Variants in TCP11L1 observed in about 807,000 individuals in gnomAD.
TCP11L1 encodes T-complex protein 11-like protein 1.
A neutral mutation model predicts 48.9 loss-of-function variants in TCP11L1; 28 were observed. The observed-to-expected ratio is 0.57, with a 90% CI of 0.42 to 0.78. The LOEUF is 0.78. Ranked by LOEUF, TCP11L1 falls within the 30% of genes least tolerant of loss-of-function variation. The pLI, the probability that TCP11L1 is intolerant of heterozygous loss-of-function variation, is 0.00. For missense variants in TCP11L1, 505 were observed against 613.4 expected (o/e 0.82, Z 1.87); for synonymous variants, 204 against 231.9 (o/e 0.88, Z 1.09).
In TCP11L1 at chr11:33,072,582, T is replaced by C. The variant is rs368074374; in HGVS notation, c.1436T>C (p.Val479Ala). 5.0e-6 allele frequency: 8 copies of C among 1,614,030 alleles called. No individual in the cohort carries two copies. In the African/African-American group the frequency reaches 1.1e-4, roughly 22 times the overall value. ...CCAGTTCAGAGAGAGCTGGAGGAAGTTGCTATTAAATTTGCTCGCCTGGTC... is the reference window on the plus strand; with the variant it reads ...CCAGTTCAGAGAGAGCTGGAGGAAGCTGCTATTAAATTTGCTCGCCTGGTC... ...LSPVQRELEE[V>A]AIKFARLVNY... The change falls in exon 10 of 10, where the codon GTT (valine) becomes GCT (alanine). Residue 479 changes from valine to alanine, a missense_variant. Coordinates refer to ENST00000334274, the MANE Select transcript of TCP11L1 (RefSeq NM_018393.4).
At position 33,068,785 on chromosome 11, in the gene TCP11L1, C is replaced by A; in HGVS notation, c.1253C>A (p.Thr418Lys). The A allele has an allele frequency of 1.9e-6, 3 of 1,614,112 alleles. No homozygotes were observed. Among genetic ancestry groups the A allele is most frequent in the Non-Finnish European group, 2.5e-6 (3 of 1,180,012 alleles). Residue 418 changes from threonine to lysine, a missense_variant, in exon 9 of 10, where the codon ACG becomes AAG. This residue lies in a region of TCP11L1 where 335 missense variants were observed against 413.3 expected (regional missense o/e 0.81). Transcript: ENST00000334274. ...CTGTGTGGGTCCTCTCCCTTCACCA[C>A]GGACAAGGAGACCGTGCTCAAGGGC... ...LSLCGSSPFT[T>K]DKETVLKGQI... is the part of the protein sequence containing the mutation.
At chr11:33,066,723 T>G (rs1854631898) in intron 8 of TCP11L1, among the ~76,000 whole-genome samples, 1 of 152,122 alleles carries the variant, frequency 6.6e-6, no homozygotes, top group African/African-American at 2.4e-5. Flanking sequence ...GTTTGTTGAG[T>G]GCTTTATTCC....
rs1024858990 is a variant in TCP11L1 at position 33,068,537 on chromosome 11, A to C, written c.1155-150A>C. ...CCTGGTCAGGTATGCACAGCCTGAG[A>C]GGTAAGGTGGCAGGGAAAAGAGTCT... is the stretch of plus-strand genomic sequence containing the variant. On this transcript the variant is annotated intron_variant, in intron 8 of 9. Transcript: ENST00000334274. 8 of 945,130 alleles carry C rather than the reference A, an allele frequency of 8.5e-6. No individual in the cohort carries two copies. In the African/African-American group the frequency reaches 9.8e-5, roughly 12 times the overall value. The allele number at this position is 945,130 out of a possible 1,614,324, so 58.5% of individuals were successfully genotyped here.
chr11:33,061,926 C>T (rs1854479581), intron 7 of TCP11L1, among the ~76,000 whole-genome samples, 200 bp downstream of exon 7: 1 of 151,966 alleles, frequency 6.6e-6, no homozygotes, highest in Non-Finnish European at 1.5e-5. Flanking sequence ...ACTAAAAATA[C>T]AAAAAATTAG....
chr11:33,057,874 G>A (rs755795806), intron 4 of TCP11L1, 45 bp from the exon 5 acceptor site: 5 of 1,491,268 alleles, frequency 3.4e-6, no homozygotes, highest in Non-Finnish European at 4.5e-6. Flanking sequence ...AATTAGAAAT[G>A]ATGTCTAAAG....
Position 33,057,830 on chromosome 11 carries a change from G to C in TCP11L1, c.418-89G>C, listed in dbSNP as rs1854352802. 6.3e-6 allele frequency: 7 copies of C among 1,116,624 alleles called. No homozygotes were observed. The South Asian group carries it at 1.2e-4, about 19-fold the overall frequency. 69.2% of individuals were successfully genotyped at this position (1,116,624 alleles called of 1,614,324 possible). A position where few individuals can be genotyped will look rare whatever the true frequency, so the allele number is the denominator to read the frequency against. On this transcript the variant is annotated intron_variant, in intron 4 of 9. Coordinates refer to ENST00000334274, the MANE Select transcript of TCP11L1 (RefSeq NM_018393.4). ...ATGTGCAATATTACGTAGCAATTGA[G>C]AAGCCCTTATTTGGATAGTTATAAA...
At chr11:33,066,211 C>T (rs977070894) in intron 8 of TCP11L1, among the ~76,000 whole-genome samples, 200 bp downstream of exon 8, 1 of 152,178 alleles carries the variant, frequency 6.6e-6, no homozygotes. Flanking sequence ...AAGTTAGAAT[C>T]TGCTGCAGGG....
intron 6 of TCP11L1, 141 bp downstream of exon 6, chr11:33,059,236 A>G: frequency 8.5e-7 from 1 of 1,173,144 alleles, no homozygotes; most frequent in Non-Finnish European, 1.2e-6. Context: ...GGAAAAGCAC[A>G]AAATGTTGGG....
intron 2 of TCP11L1, among the ~76,000 whole-genome samples, chr11:33,045,532 T>A (rs1286814571): frequency 2.0e-5 from 3 of 151,418 alleles, no homozygotes; most frequent in Non-Finnish European, 4.4e-5. Context: ...AAAATAAAAA[T>A]AAAAAAAATA....
Position 33,054,670 on chromosome 11 carries a change from G to T in TCP11L1, c.241G>T (p.Glu81Ter). The T allele has an allele frequency of 1.9e-6, 3 of 1,613,930 alleles. No individual in the cohort carries two copies. The highest frequency in any genetic ancestry group is 2.5e-6 in the Non-Finnish European group (3 of 1,179,950). Reference sequence around the variant, plus strand: ...TGTCACCAACATGGCTCTAGCCCATGAAATTGTAGTAAATGGAGACTTTCA... The same window carrying T: ...TGTCACCAACATGGCTCTAGCCCATTAAATTGTAGTAAATGGAGACTTTCA... ...RGVTNMALAHEIVVNGDFQIK... is the reference protein window; with the variant it reads ...RGVTNMALAH Residue 81 changes from glutamate to a stop codon, truncating the protein, a stop_gained, in exon 3 of 10, where the codon GAA becomes TAA. Coordinates refer to ENST00000334274, the MANE Select transcript of TCP11L1 (RefSeq NM_018393.4). LOFTEE classifies it high-confidence loss of function.
intron 8 of TCP11L1, among the ~76,000 whole-genome samples, chr11:33,068,253 G>A (rs1297134870): frequency 6.6e-6 from 1 of 152,204 alleles, no homozygotes; most frequent in East Asian, 1.9e-4. Flanking sequence ...GTTAATACAT[G>A]TGTATGTTTC....
At chr11:33,062,578 G>T (rs1332623456) in intron 7 of TCP11L1, among the ~76,000 whole-genome samples, 1 of 152,108 alleles carries the variant, frequency 6.6e-6, no homozygotes, top group Non-Finnish European at 1.5e-5. Context: ...CATCCACATT[G>T]TTGTGCAACC....
intron 2 of TCP11L1, 117 bp downstream of exon 2, chr11:33,044,053 A>G (rs1196725118): frequency 7.5e-6 from 8 of 1,067,578 alleles, no homozygotes; most frequent in African/African-American, 4.9e-5. Flanking sequence ...AACATTGCCA[A>G]TGTAGCATTT....
intron 7 of TCP11L1, among the ~76,000 whole-genome samples, chr11:33,064,585 G>A (rs893725899): frequency 3.3e-5 from 5 of 152,146 alleles, no homozygotes; most frequent in African/African-American, 1.2e-4. Context: ...GCAGTCATGG[G>A]AATGTGCTTG....
Position 33,068,881 on chromosome 11 carries a change from A to G in TCP11L1, c.1327+22A>G, listed in dbSNP as rs200173912. On this transcript the variant is annotated intron_variant, in intron 9 of 9. Coordinates refer to ENST00000334274, the MANE Select transcript of TCP11L1 (RefSeq NM_018393.4). ...ATGGGTACGTTTGGGGAAGGCAGGC[A>G]GCAGGGATGTGCCCTCTGAGGGGCT... 4.4e-6 allele frequency: 7 copies of G among 1,604,698 alleles called. No individual in the cohort carries two copies. The African/African-American group carries it at 5.3e-5, about 12-fold the overall frequency.
At chr11:33,064,706 G>A (rs1320760727) in intron 7 of TCP11L1, among the ~76,000 whole-genome samples, 1 of 152,106 alleles carries the variant, frequency 6.6e-6, no homozygotes, top group African/African-American at 2.4e-5. Flanking sequence ...CTTTGTGCTG[G>A]GTGCTGAGCG....
Position 33,058,069 on chromosome 11 carries a change from C to T in TCP11L1, c.568C>T (p.Leu190=). 1 of 1,614,178 alleles carries T rather than the reference C, an allele frequency of 6.2e-7. No homozygotes were observed. The highest frequency in any genetic ancestry group is 8.5e-7 in the Non-Finnish European group (1 of 1,180,040). Residue 190 remains leucine (L), a synonymous_variant, in exon 5 of 10, where the codon CTG becomes TTG. Coordinates refer to ENST00000334274, the MANE Select transcript of TCP11L1 (RefSeq NM_018393.4). ...ATTCATTATTGGCATGATGGGGACA[C>T]TGTGTGCACCTGCTCGAGATGAGGA... The part of the protein sequence containing the change: ...AEFIIGMMGT[L]CAPARDEEVK...
rs1362216931 is a variant in TCP11L1, at chr11:33,057,222, G to T, written c.404G>T (p.Gly135Val). The T allele has an allele frequency of 3.1e-6, 5 of 1,614,084 alleles. No individual in the cohort carries two copies. The highest frequency in any genetic ancestry group is 4.2e-6 in the Non-Finnish European group (5 of 1,180,016). ...TATGACCATGCTATCAAACTTGTAG[G>T]AGAAATCAAAGAGGTGAGGCAAAGA... ...PAYDHAIKLV[G>V]EIKETLLSFL... Residue 135 changes from glycine (G) to valine (V), a missense_variant, in exon 4 of 10, where the codon GGA becomes GTA. By Grantham distance (109) the Gly-to-Val change is moderately radical (BLOSUM62 -3). Coordinates refer to ENST00000334274, the MANE Select transcript of TCP11L1 (RefSeq NM_018393.4).
rs1854839543 is a variant in TCP11L1, at chr11:33,072,941, G to C, written c.*265G>C. The C allele has an allele frequency of 1.8e-5, 8 of 443,134 alleles. No individual in the cohort carries two copies. The Admixed American group carries it at 2.6e-4, about 14-fold the overall frequency. The allele number at this position is 443,134 out of a possible 1,614,324, so 27.5% of individuals were successfully genotyped here. Reference sequence around the variant, plus strand: ...GTTTTACAGGTAACACTCAGCTGTTGTCTCCACTCCTCCCCCATCATGTCC... The same window carrying C: ...GTTTTACAGGTAACACTCAGCTGTTCTCTCCACTCCTCCCCCATCATGTCC... On this transcript the variant is annotated 3_prime_UTR_variant, in exon 10 of 10. Transcript: ENST00000334274.
Sources: allele counts gnomAD v4.1 joint callset (sites outside exome capture counted in the v4.1 genomes callset), GRCh38; gene constraint gnomAD v4.1.1; regional missense constraint gnomAD v4.1.1; transcripts MANE v1.5; gene names NCBI Gene and HGNC (gene_info 2026-07-23, HGNC 2026-07-21).